Variants in DHRSX observed in about 807,000 individuals in gnomAD.
DHRSX encodes polyprenol dehydrogenase.
In DHRSX, 31 loss-of-function variants were observed where a neutral mutation model predicts 34.0. That is an observed-to-expected ratio of 0.91 (90% CI 0.69 to 1.23). DHRSX has a LOEUF of 1.23. DHRSX is among the 50% of genes most tolerant of loss of function. The pLI is 0.00. For synonymous variants in DHRSX, 201 were observed against 183.8 expected (o/e 1.09, Z -0.76); for missense variants, 414 against 428.1 (o/e 0.97, Z 0.29).
intron 3 of DHRSX, among the ~76,000 whole-genome samples, chrX:2,322,173 T>G (rs2124533751): frequency 6.8e-6 from 1 of 147,068 alleles, no homozygotes; most frequent in Admixed American, 6.8e-5. Flanking sequence ...TTCTTATGCC[T>G]TTGTGTCCTC....
intron 1 of DHRSX, among the ~76,000 whole-genome samples, chrX:2,436,723 C>T (rs2043996415): frequency 6.6e-6 from 1 of 151,796 alleles, no homozygotes; most frequent in Non-Finnish European, 1.5e-5. Flanking sequence ...TCTCAAACTC[C>T]TGTTTTCAAG....
intron 3 of DHRSX, among the ~76,000 whole-genome samples, chrX:2,302,720 G>A (rs2042028241): frequency 6.6e-6 from 1 of 152,040 alleles, no homozygotes; most frequent in African/African-American, 2.4e-5. Context: ...AGCTGTCTGT[G>A]GTGAGACATG....
intron 3 of DHRSX, among the ~76,000 whole-genome samples, chrX:2,291,894 G>GTTTTTTTTTTTTT (rs1162716010): frequency 1.0e-5 from 1 of 95,322 alleles, no homozygotes; most frequent in African/African-American, 3.9e-5. Context: ...TTGTATTTTT[G>GTTTTTTTTTTTTT]TATTTTTTTT....
chrX:2,467,594 C>T (rs2044516325), intron 1 of DHRSX, among the ~76,000 whole-genome samples: 1 of 150,934 alleles, frequency 6.6e-6, no homozygotes, highest in Non-Finnish European at 1.5e-5. Flanking sequence ...ATAACAGGGA[C>T]AAAGTCCAGA....
chrX:2,438,178 GA>G (rs57891933), intron 1 of DHRSX, among the ~76,000 whole-genome samples: 99,319 of 127,100 alleles, frequency 0.78, 38,181 homozygotes, highest in East Asian at 0.99. Context: ...CTCCATCTCA[GA>G]AAAAAAAAAA....
chrX:2,463,939 T>G, intron 1 of DHRSX, among the ~76,000 whole-genome samples: 1 of 152,118 alleles, frequency 6.6e-6, no homozygotes, highest in Admixed American at 6.5e-5. Flanking sequence ...CTGTATGCAC[T>G]GAAGACGTTC....
intron 1 of DHRSX, among the ~76,000 whole-genome samples, chrX:2,453,536 G>T (rs1310916112): frequency 6.6e-6 from 1 of 151,962 alleles, no homozygotes; most frequent in Non-Finnish European, 1.5e-5. Flanking sequence ...ACCAGGTGTG[G>T]TGGTGTGCAC....
At chrX:2,324,210 A>G (rs1247842371) in intron 3 of DHRSX, among the ~76,000 whole-genome samples, 1 of 152,142 alleles carries the variant, frequency 6.6e-6, no homozygotes, top group East Asian at 1.9e-4. Context: ...ATTTCCCTCC[A>G]AGGAGAACAG....
chrX:2,373,085 C>G lies in DHRSX; in HGVS notation c.286+35660G>C, dbSNP rs192445961. 7.8e-4 allele frequency among the ~76,000 whole-genome samples: 119 copies of G among 152,296 alleles called. 1 individual carries two copies. Among genetic ancestry groups the G allele is most frequent in the African/African-American group, 2.8e-3 (117 of 41,570 alleles). The stretch of plus-strand genomic sequence containing the variant: ...GAGGCCTCACAATCACGACGGAAGA[C>G]GAAAACCATATCTTCCACGGCGGCA... On this transcript the variant is annotated intron_variant, in intron 3 of 6. Coordinates refer to ENST00000334651, the MANE Select transcript of DHRSX (RefSeq NM_145177.3).
At chrX:2,222,404 G>A (rs1401746330) in intron 6 of DHRSX, among the ~76,000 whole-genome samples, 1 of 152,200 alleles carries the variant, frequency 6.6e-6, no homozygotes, top group Non-Finnish European at 1.5e-5. Flanking sequence ...AAGCCATTTA[G>A]GAAACAGCAA....
chrX:2,289,379 A>T (rs2041841314), intron 4 of DHRSX, among the ~76,000 whole-genome samples: 1 of 152,086 alleles, frequency 6.6e-6, no homozygotes. Context: ...CAGCCTCCCA[A>T]AGTGTTGGGA....
At chrX:2,414,345 A>G (rs1431806893) in intron 2 of DHRSX, among the ~76,000 whole-genome samples, 1 of 152,010 alleles carries the variant, frequency 6.6e-6, no homozygotes, top group Non-Finnish European at 1.5e-5. Context: ...CCTCATCATG[A>G]CCTAACAAAA....
chrX:2,239,162 G>A (rs73626182), intron 6 of DHRSX, among the ~76,000 whole-genome samples: 4,151 of 152,160 alleles, frequency 0.027, 212 homozygotes, highest in African/African-American at 0.095. Context: ...ATCCAAATTT[G>A]CAGATGATGA....
chrX:2,425,511 C>A (rs2124651227), intron 1 of DHRSX, among the ~76,000 whole-genome samples: 1 of 152,262 alleles, frequency 6.6e-6, no homozygotes, highest in East Asian at 1.9e-4. Context: ...CAGTAAAAAA[C>A]CACCTGATAA....
At chrX:2,490,739 G>A (rs201123904) in intron 1 of DHRSX, 45 of 1,603,902 alleles carry the variant, frequency 2.8e-5, no homozygotes, top group Non-Finnish European at 6.8e-6. Context: ...ACCGGAGCCT[G>A]CCTGCTGGAC....
chrX:2,276,049 G>A, intron 4 of DHRSX, among the ~76,000 whole-genome samples: 1 of 151,982 alleles, frequency 6.6e-6, no homozygotes, highest in East Asian at 1.9e-4. Context: ...TCACCGTGTT[G>A]GCCAGGATGG....
intron 3 of DHRSX, among the ~76,000 whole-genome samples, chrX:2,408,002 GT>G (rs2043578716): frequency 6.6e-6 from 1 of 152,188 alleles, no homozygotes; most frequent in African/African-American, 2.4e-5. Context: ...AGAAAGTTGT[GT>G]GCACACCTTC....
intron 1 of DHRSX, among the ~76,000 whole-genome samples, chrX:2,475,743 G>A (rs941903317): frequency 1.3e-5 from 2 of 152,178 alleles, no homozygotes; most frequent in African/African-American, 4.8e-5. Flanking sequence ...ATGTGGCCAA[G>A]GGAATGCACT....
At chrX:2,243,344 C>T (rs996430379) in intron 5 of DHRSX, 114 bp from the exon 6 acceptor site, 3 of 829,874 alleles carry the variant, frequency 3.6e-6, no homozygotes, top group Non-Finnish European at 5.8e-6. Flanking sequence ...AGCCACCTCC[C>T]CTAGACCCAT....
Sources: allele counts gnomAD v4.1 joint callset (sites outside exome capture counted in the v4.1 genomes callset), GRCh38; gene constraint gnomAD v4.1.1; transcripts MANE v1.5; gene names NCBI Gene and HGNC (gene_info 2026-07-23, HGNC 2026-07-21).